Variants in LRRC8C observed in about 807,000 individuals in gnomAD.
LRRC8C encodes the protein leucine rich repeat containing 8 VRAC subunit C, also known as volume-regulated anion channel subunit LRRC8C.
LRRC8C carries 20 observed loss-of-function variants against 55.3 expected under a neutral mutation model. That is an observed-to-expected ratio of 0.36 (90% CI 0.25 to 0.53). LRRC8C has a LOEUF of 0.53. Ranked by LOEUF, LRRC8C falls within the 20% of genes least tolerant of loss-of-function variation. LRRC8C has a pLI of 0.92. For synonymous variants in LRRC8C, 376 were observed against 360.7 expected (o/e 1.04, Z -0.48); for missense variants, 659 against 951.4 (o/e 0.69, Z 4.04).
chr1:89,659,061 TTG>T lies in LRRC8C; in HGVS notation c.-5+25785_-5+25786del, dbSNP rs71084956. On this transcript the variant is annotated intron_variant, in intron 1 of 2. Coordinates refer to ENST00000370454, the MANE Select transcript of LRRC8C (RefSeq NM_032270.5). Reference sequence around the variant, plus strand: ...TGTCTTCTCCAGGTTTTTTTTTTTTTTGTGTGTGTGTGTGTGTGTGTGTGTGT... The same window carrying T: ...TGTCTTCTCCAGGTTTTTTTTTTTTTTGTGTGTGTGTGTGTGTGTGTGTGT... 1.9e-3 allele frequency among the ~76,000 whole-genome samples: 100 copies of T among 53,930 alleles called. 3 individuals carry two copies. The highest frequency in any genetic ancestry group is 3.3e-3 in the South Asian group (6 of 1,834). The allele number at this position is 53,930 out of a possible 152,430, so 35.4% of individuals were successfully genotyped here.
intron 2 of LRRC8C, among the ~76,000 whole-genome samples, chr1:89,703,279 GAAT>G (rs1658382834): frequency 6.6e-6 from 1 of 152,092 alleles, no homozygotes; most frequent in African/African-American, 2.4e-5. Flanking sequence ...AGGGAAAATG[GAAT>G]AATATTTTTA....
rs1658833351 is a variant in LRRC8C at position 89,716,736 on chromosome 1, A to T, written c.*1754A>T. The T allele has an allele frequency of 6.6e-6, 1 of 152,230 alleles. No individual in the cohort carries two copies. Among genetic ancestry groups the T allele is most frequent in the Admixed American group, 6.5e-5 (1 of 15,286 alleles). The allele number at this position is 152,230 out of a possible 1,614,324, so 9.4% of individuals were successfully genotyped here. A position where few individuals can be genotyped will look rare whatever the true frequency, so the allele number is the denominator to read the frequency against. On this transcript the variant is annotated 3_prime_UTR_variant, in exon 3 of 3. Transcript: ENST00000370454. The stretch of plus-strand genomic sequence containing the variant: ...GTTTTGTGACTTAACAATGAAAGAA[A>T]GTAGAAAGATGCTTTGGGTTTTCAA...
intron 2 of LRRC8C, among the ~76,000 whole-genome samples, chr1:89,696,063 A>G (rs1658164184): frequency 6.6e-6 from 1 of 152,244 alleles, no homozygotes; most frequent in African/African-American, 2.4e-5. Context: ...GGGCATCTTC[A>G]TATAGTCATA....
intron 1 of LRRC8C, among the ~76,000 whole-genome samples, chr1:89,643,335 G>A (rs189135241): frequency 6.6e-6 from 1 of 152,318 alleles, no homozygotes; most frequent in East Asian, 1.9e-4. Flanking sequence ...CACCTGCCCT[G>A]CCTCACAAAG....
intron 2 of LRRC8C, chr1:89,706,207 T>C (rs1658478736): frequency 2.3e-6 from 1 of 443,052 alleles, no homozygotes; most frequent in Non-Finnish European, 4.5e-6. Flanking sequence ...AGAATGACTT[T>C]TCCTGAGGCA....
intron 1 of LRRC8C, among the ~76,000 whole-genome samples, chr1:89,670,967 A>G (rs1361604951): frequency 1.3e-5 from 2 of 152,208 alleles, no homozygotes; most frequent in African/African-American, 4.8e-5. Flanking sequence ...GAATCAGTAT[A>G]AAGAGCTGAA....
At chr1:89,702,114 A>G (rs1204760128) in intron 2 of LRRC8C, among the ~76,000 whole-genome samples, 1 of 152,180 alleles carries the variant, frequency 6.6e-6, no homozygotes, top group African/African-American at 2.4e-5. Flanking sequence ...CAGCCTGTCC[A>G]CTGTCTTGCA....
chr1:89,682,649 T>G (rs1490594134), intron 1 of LRRC8C, among the ~76,000 whole-genome samples: 1 of 152,236 alleles, frequency 6.6e-6, no homozygotes, highest in Non-Finnish European at 1.5e-5. Context: ...CACTAGACTG[T>G]GCTGAAGGGA....
intron 2 of LRRC8C, among the ~76,000 whole-genome samples, chr1:89,704,250 T>C (rs1658410782): frequency 6.6e-6 from 1 of 152,156 alleles, no homozygotes; most frequent in South Asian, 2.1e-4. Context: ...TGTCCTCATC[T>C]CTCTGTCCTA....
chr1:89,680,549 CTTTTTTTT>C (rs10593283), intron 1 of LRRC8C, among the ~76,000 whole-genome samples: 1 of 91,870 alleles, frequency 1.1e-5, no homozygotes, highest in African/African-American at 4.4e-5. Context: ...TGCTTTCATG[CTTTTTTTT>C]TTTTTTTTTT....
At chr1:89,663,702 C>T (rs1657180289) in intron 1 of LRRC8C, among the ~76,000 whole-genome samples, 2 of 152,100 alleles carry the variant, frequency 1.3e-5, no homozygotes, top group African/African-American at 4.8e-5. Context: ...GGAATTGTCA[C>T]ACTGTCTTCC....
chr1:89,700,934 T>G (rs948757557), intron 2 of LRRC8C, among the ~76,000 whole-genome samples: 3 of 152,208 alleles, frequency 2.0e-5, no homozygotes, highest in African/African-American at 4.8e-5. Flanking sequence ...ACCACCTATT[T>G]TATCATACAC....
At chr1:89,656,361 G>A (rs1466310776) in intron 1 of LRRC8C, among the ~76,000 whole-genome samples, 2 of 152,184 alleles carry the variant, frequency 1.3e-5, no homozygotes, top group Admixed American at 6.5e-5. Context: ...GGGTGGGGAT[G>A]GGCCCTTGCT....
At chr1:89,652,235 G>A (rs375908707) in intron 1 of LRRC8C, among the ~76,000 whole-genome samples, 16 of 152,276 alleles carry the variant, frequency 1.1e-4, no homozygotes, top group African/African-American at 3.6e-4. Context: ...GTGGGTTAGA[G>A]CATTGAAAAC....
At chr1:89,701,431 G>T (rs147755427) in intron 2 of LRRC8C, among the ~76,000 whole-genome samples, 5 of 149,674 alleles carry the variant, frequency 3.3e-5, no homozygotes, top group Non-Finnish European at 7.4e-5. Context: ...AGCCAAGATC[G>T]CACCACTGCA....
chr1:89,637,649 G>T (rs1488975097), intron 1 of LRRC8C, among the ~76,000 whole-genome samples: 1 of 152,108 alleles, frequency 6.6e-6, no homozygotes, highest in African/African-American at 2.4e-5. Flanking sequence ...TGGACATCTA[G>T]CACAGCAATA....
intron 2 of LRRC8C, among the ~76,000 whole-genome samples, chr1:89,690,174 G>C (rs929061982): frequency 5.9e-5 from 9 of 152,116 alleles, no homozygotes; most frequent in Non-Finnish European, 1.2e-4. Flanking sequence ...TTTGGGTGGA[G>C]GAGGCATCAT....
intron 2 of LRRC8C, among the ~76,000 whole-genome samples, chr1:89,705,736 C>T (rs1046382926): frequency 2.0e-5 from 3 of 151,952 alleles, no homozygotes; most frequent in Non-Finnish European, 2.9e-5. Context: ...GCCAAGATCA[C>T]GCCACTGCAC....
At chr1:89,664,595 T>C (rs539321285) in intron 1 of LRRC8C, among the ~76,000 whole-genome samples, 2 of 152,326 alleles carry the variant, frequency 1.3e-5, no homozygotes, top group South Asian at 4.1e-4. Context: ...AGCTTTGTTC[T>C]TTTTGCTAAG....
Sources: allele counts gnomAD v4.1 joint callset (sites outside exome capture counted in the v4.1 genomes callset), GRCh38; gene constraint gnomAD v4.1.1; transcripts MANE v1.5; gene names NCBI Gene and HGNC (gene_info 2026-07-23, HGNC 2026-07-21).